NEGR1: variants seen among roughly 807,000 people sequenced by gnomAD.
The protein encoded by NEGR1 is neuronal growth regulator 1.
A neutral mutation model predicts 40.9 loss-of-function variants in NEGR1; 10 were observed. The ratio of observed to expected loss-of-function variants is 0.24; its 90% confidence interval spans 0.15 to 0.42. The LOEUF (loss-of-function observed/expected upper bound fraction) is 0.42, where lower values mean the gene tolerates loss of function less well. Among genes scored for constraint, NEGR1 ranks in the 10% least tolerant of loss-of-function variants. The pLI, the probability that NEGR1 is intolerant of heterozygous loss-of-function variation, is 1.00. For synonymous variants in NEGR1, 185 were observed against 166.8 expected (o/e 1.11, Z -0.84); for missense variants, 352 against 438.9 (o/e 0.80, Z 1.77).
At chr1:72,014,076 G>T (rs1646686574) in intron 1 of NEGR1, among the ~76,000 whole-genome samples, 1 of 151,034 alleles carries the variant, frequency 6.6e-6, no homozygotes, top group Admixed American at 6.6e-5. Flanking sequence ...AAAAGCTCTG[G>T]GGAAGGTTAA....
At chr1:72,060,915 A>T (rs969831379) in intron 1 of NEGR1, among the ~76,000 whole-genome samples, 4 of 151,588 alleles carry the variant, frequency 2.6e-5, no homozygotes, top group African/African-American at 9.7e-5. Flanking sequence ...GCAACAGAGC[A>T]GGTGCAAGTT....
At chr1:71,500,875 A>T (rs1459274338) in intron 6 of NEGR1, among the ~76,000 whole-genome samples, 1 of 152,042 alleles carries the variant, frequency 6.6e-6, no homozygotes, top group Admixed American at 6.5e-5. Context: ...TATATGTTTT[A>T]TTTGTATTAT....
intron 6 of NEGR1, among the ~76,000 whole-genome samples, chr1:71,532,037 A>G (rs1189542769): frequency 6.6e-6 from 1 of 151,436 alleles, no homozygotes; most frequent in Non-Finnish European, 1.5e-5. Context: ...ATACCTCTTT[A>G]TGTGTAGGCA....
intron 1 of NEGR1, among the ~76,000 whole-genome samples, chr1:71,956,344 T>C (rs929555386): frequency 6.6e-6 from 1 of 152,154 alleles, no homozygotes; most frequent in African/African-American, 2.4e-5. Flanking sequence ...ATTAGAAATA[T>C]ATTCAACTTT....
At chr1:71,417,448 C>T (rs2101272499) in intron 6 of NEGR1, among the ~76,000 whole-genome samples, 1 of 152,224 alleles carries the variant, frequency 6.6e-6, no homozygotes, top group East Asian at 1.9e-4. Flanking sequence ...TGTAAAGTAA[C>T]GTTGGTTCCA....
chr1:71,477,515 T>C (rs1646828876), intron 6 of NEGR1: 1 of 152,258 alleles, frequency 6.6e-6, no homozygotes, highest in Non-Finnish European at 1.5e-5. Context: ...CCTCCATTAG[T>C]ACTGTTTATG....
intron 5 of NEGR1, among the ~76,000 whole-genome samples, chr1:71,599,733 T>C (rs1416576707): frequency 2.6e-5 from 4 of 152,206 alleles, no homozygotes; most frequent in Non-Finnish European, 5.9e-5. Context: ...AAAATGCATG[T>C]CTTATTTACT....
chr1:71,874,983 G>A (rs1020138414), intron 2 of NEGR1, among the ~76,000 whole-genome samples: 11 of 151,770 alleles, frequency 7.2e-5, no homozygotes, highest in African/African-American at 1.7e-4. Context: ...TAGCTGGGAC[G>A]ATAGATGTTC....
At chr1:71,664,468 T>C (rs1180752227) in intron 4 of NEGR1, among the ~76,000 whole-genome samples, 1 of 152,214 alleles carries the variant, frequency 6.6e-6, no homozygotes, top group Non-Finnish European at 1.5e-5. Flanking sequence ...CAGTTTTCCA[T>C]GGCCTCCCTC....
intron 2 of NEGR1, among the ~76,000 whole-genome samples, chr1:71,854,900 G>A (rs1659714833): frequency 1.3e-5 from 2 of 152,050 alleles, no homozygotes; most frequent in African/African-American, 4.8e-5. Flanking sequence ...GATGAGATTT[G>A]GGTGAGGACA....
chr1:71,555,701 A>G (rs1026834464), intron 6 of NEGR1, among the ~76,000 whole-genome samples: 3 of 151,620 alleles, frequency 2.0e-5, no homozygotes, highest in Admixed American at 1.3e-4. Flanking sequence ...CTGAAAGATA[A>G]TAAACACTCT....
intron 4 of NEGR1, among the ~76,000 whole-genome samples, chr1:71,664,724 T>C (rs1652180115): frequency 6.6e-6 from 1 of 151,752 alleles, no homozygotes; most frequent in East Asian, 1.9e-4. Context: ...TTGGCTTCTT[T>C]GAGAAAAAAA....
chr1:71,660,621 G>T (rs1652022535), intron 4 of NEGR1, among the ~76,000 whole-genome samples: 1 of 152,124 alleles, frequency 6.6e-6, no homozygotes, highest in Non-Finnish European at 1.5e-5. Flanking sequence ...AACAAAAACA[G>T]AAACAAAACC....
intron 1 of NEGR1, among the ~76,000 whole-genome samples, chr1:71,988,923 TAAAAAAAAAAA>T (rs10604833): frequency 1.2e-5 from 1 of 82,258 alleles, no homozygotes; most frequent in Non-Finnish European, 2.2e-5. Context: ...TATTGGATGT[TAAAAAAAAAAA>T]AAAAAAAAAA....
intron 6 of NEGR1, among the ~76,000 whole-genome samples, chr1:71,521,556 A>G (rs1350197227): frequency 1.3e-5 from 2 of 152,024 alleles, no homozygotes; most frequent in Non-Finnish European, 2.9e-5. Context: ...ACATCATCCT[A>G]TCTCACTCAG....
intron 1 of NEGR1, among the ~76,000 whole-genome samples, chr1:72,206,896 C>T (rs948761510): frequency 2.0e-5 from 3 of 151,588 alleles, no homozygotes; most frequent in African/African-American, 7.3e-5. Context: ...AAAGAGATTG[C>T]AGTGGTATGA....
At chr1:71,525,862 A>T (rs1466426376) in intron 6 of NEGR1, among the ~76,000 whole-genome samples, 3 of 151,658 alleles carry the variant, frequency 2.0e-5, no homozygotes, top group African/African-American at 7.2e-5. Context: ...CAATCATTTG[A>T]TTTAACATAT....
chr1:71,453,203 T>G (rs1266795441), intron 6 of NEGR1, among the ~76,000 whole-genome samples: 5 of 152,152 alleles, frequency 3.3e-5, no homozygotes, highest in Non-Finnish European at 7.4e-5. Context: ...CAGAGACGTG[T>G]TTTATGGATT....
chr1:71,600,242 T>C (rs1459599433), intron 5 of NEGR1, among the ~76,000 whole-genome samples: 1 of 152,216 alleles, frequency 6.6e-6, no homozygotes, highest in East Asian at 1.9e-4. Flanking sequence ...AACGCAGTCT[T>C]CCAACAGAGT....
Sources: allele counts gnomAD v4.1 joint callset (sites outside exome capture counted in the v4.1 genomes callset), GRCh38; gene constraint gnomAD v4.1.1; transcripts MANE v1.5; gene names NCBI Gene and HGNC (gene_info 2026-07-23, HGNC 2026-07-21).